Variants in HNRNPLL observed in about 807,000 individuals in gnomAD.
The protein encoded by HNRNPLL is heterogeneous nuclear ribonucleoprotein L-like.
A neutral mutation model predicts 67.1 loss-of-function variants in HNRNPLL; 25 were observed. The ratio of observed to expected loss-of-function variants is 0.37; its 90% CI spans 0.27 to 0.52. The LOEUF (loss-of-function observed/expected upper bound fraction) is 0.52. HNRNPLL is among the 20% of genes least tolerant of loss of function. The pLI is 0.90. For synonymous variants in HNRNPLL, 267 were observed against 241.7 expected, an observed-to-expected ratio of 1.10 and a Z score of -0.97; for missense variants, 542 against 673.9, an observed-to-expected ratio of 0.80 and a Z score of 2.17.
At chr2:38,582,553 G>A (rs969121322) in intron 4 of HNRNPLL, among the ~76,000 whole-genome samples, 10 of 152,038 alleles carry the variant, frequency 6.6e-5, no homozygotes, top group African/African-American at 1.7e-4. Flanking sequence ...TTCGTGATCC[G>A]CCCGCCTCGG....
At chr2:38,567,689 A>G (rs1391493875) in intron 12 of HNRNPLL, among the ~76,000 whole-genome samples, 1 of 152,184 alleles carries the variant, frequency 6.6e-6, no homozygotes. Flanking sequence ...GTGACCAAAA[A>G]AATTATAACA....
rs758515947 is a variant in HNRNPLL at position 38,577,566 on chromosome 2, T to G, written c.803-34A>C. ...AAAGTAGAAACATGGTTTTAACAAT[T>G]TTGACCCAAGTACTTAATGGAGTTC... On this transcript the variant is annotated intron_variant, in intron 6 of 12. Coordinates refer to ENST00000449105, the MANE Select transcript of HNRNPLL (RefSeq NM_138394.4). 2.1e-6 allele frequency: 3 copies of G among 1,401,290 alleles called. No homozygotes were observed. In the African/African-American group the frequency reaches 4.2e-5, roughly 20 times the overall value. The allele number at this position is 1,401,290 out of a possible 1,614,324, so 86.8% of individuals were successfully genotyped here.
Position 38,602,737 on chromosome 2 carries a change from C to G in HNRNPLL, c.-111G>C. ...CCGGCAGCGCCTCTTCTGCGAGGGTCTCCGCGGCCCGGCCGTCCGCGGGGA... is the reference window on the plus strand; with the variant it reads ...CCGGCAGCGCCTCTTCTGCGAGGGTGTCCGCGGCCCGGCCGTCCGCGGGGA... On this transcript the variant is annotated 5_prime_UTR_variant, in exon 1 of 13. Coordinates refer to ENST00000449105, the MANE Select transcript of HNRNPLL (RefSeq NM_138394.4). 2.0e-6 allele frequency: 3 copies of G among 1,493,484 alleles called. No homozygotes were observed. The highest frequency in any genetic ancestry group is 2.7e-6 in the Non-Finnish European group (3 of 1,120,946). The allele number at this position is 1,493,484 out of a possible 1,614,324, so 92.5% of individuals were successfully genotyped here.
At chr2:38,578,229 G>C (rs1198630446) in intron 6 of HNRNPLL, among the ~76,000 whole-genome samples, 1 of 151,946 alleles carries the variant, frequency 6.6e-6, no homozygotes, top group Non-Finnish European at 1.5e-5. Context: ...TATTGGATGA[G>C]AATACTACAA....
intron 2 of HNRNPLL, among the ~76,000 whole-genome samples, chr2:38,586,170 C>T (rs769652896): frequency 2.0e-5 from 3 of 152,058 alleles, no homozygotes; most frequent in African/African-American, 4.8e-5. Context: ...TACAGGTGCC[C>T]GCCACCAGGC....
intron 7 of HNRNPLL, among the ~76,000 whole-genome samples, 155 bp from the exon 8 acceptor site, chr2:38,573,582 T>C (rs1343517397): frequency 1.3e-5 from 2 of 152,082 alleles, no homozygotes; most frequent in East Asian, 1.9e-4. Flanking sequence ...AATATTTCAG[T>C]ATAACCTGAG....
chr2:38,568,075 CT>C, intron 12 of HNRNPLL, 123 bp downstream of exon 12: 1 of 628,394 alleles, frequency 1.6e-6, no homozygotes, highest in Non-Finnish European at 2.7e-6. Context: ...ATATGCCTTT[CT>C]TTTTTGTATT....
rs986572699 is a variant in HNRNPLL, at chr2:38,602,615, G to A, written c.12C>T (p.Ser4=). The A allele has an allele frequency of 6.5e-7, 1 of 1,549,944 alleles. No individual in the cohort carries two copies. The highest frequency in any genetic ancestry group is 2.5e-5 in the East Asian group (1 of 39,608). MSS[S]SSSPRETYEE... is the part of the protein sequence containing the mutation. Reference sequence around the variant, plus strand: ...CGTACGTCTCCCTGGGGGAGGAAGAGGAGGAGGACATGGCGGCGGCCGGAG... The same window carrying A: ...CGTACGTCTCCCTGGGGGAGGAAGAAGAGGAGGACATGGCGGCGGCCGGAG... Residue 4 remains serine (S), a synonymous_variant, in exon 1 of 13, where the codon TCC becomes TCT. Transcript: ENST00000449105.
At chr2:38,571,264 A>C (rs1378205684) in intron 8 of HNRNPLL, among the ~76,000 whole-genome samples, 2 of 152,208 alleles carry the variant, frequency 1.3e-5, no homozygotes, top group African/African-American at 4.8e-5. Context: ...TAAATGATCT[A>C]CTATAATAAA....
At chr2:38,582,006 G>GT (rs1200621975) in intron 5 of HNRNPLL, 21 bp from the exon 6 acceptor site, 1 of 1,605,168 alleles carries the variant, frequency 6.2e-7, no homozygotes, top group Non-Finnish European at 8.5e-7. Flanking sequence ...TGAAAATAAT[G>GT]TAAGTTCAAA....
At chr2:38,578,639 T>G (rs1666398263) in intron 6 of HNRNPLL, among the ~76,000 whole-genome samples, 2 of 152,082 alleles carry the variant, frequency 1.3e-5, no homozygotes, top group Non-Finnish European at 2.9e-5. Context: ...GCCATCTAGT[T>G]TAACTTTTAC....
At chr2:38,583,791 T>A (rs1423275089) in intron 4 of HNRNPLL, 50 bp downstream of exon 4, 1 of 863,414 alleles carries the variant, frequency 1.2e-6, no homozygotes, top group East Asian at 2.7e-5. Flanking sequence ...CCAGAAAAAA[T>A]AAGATCCGTA....
chr2:38,587,360 T>A (rs1666776795), intron 2 of HNRNPLL, among the ~76,000 whole-genome samples: 1 of 151,834 alleles, frequency 6.6e-6, no homozygotes, highest in Non-Finnish European at 1.5e-5. Context: ...TATTACTGTA[T>A]TATTATTATT....
At chr2:38,584,018 C>T (rs1239749000) in intron 3 of HNRNPLL, 92 bp from the exon 4 acceptor site, 4 of 524,228 alleles carry the variant, frequency 7.6e-6, no homozygotes, top group African/African-American at 4.0e-5. Context: ...AAACTATCAA[C>T]TGTCAAGATG....
chr2:38,602,502 C>A lies in HNRNPLL; in HGVS notation c.125G>T (p.Arg42Leu). The A allele has an allele frequency of 3.9e-6, 6 of 1,548,402 alleles. No homozygotes were observed. The highest frequency in any genetic ancestry group is 5.2e-6 in the Non-Finnish European group (6 of 1,148,362). Residue 42 changes from arginine (R) to leucine (L), a missense_variant, in exon 1 of 13, where the codon CGC becomes CTC. Coordinates refer to ENST00000449105, the MANE Select transcript of HNRNPLL (RefSeq NM_138394.4). ...CCCGCCCCGGGGCGTCGCTTCCCGG[C>A]GGTTCTCGCCTTCCTCGGCCGAGTA... ...IDYSAEEGEN[R>L]REATPRGGGD...
In HNRNPLL at chr2:38,563,740, AC is replaced by A. The variant is rs1665744463; in HGVS notation, c.*441del. On this transcript the variant is annotated 3_prime_UTR_variant, in exon 13 of 13. Coordinates refer to ENST00000449105, the MANE Select transcript of HNRNPLL (RefSeq NM_138394.4). ...CAAACTTCATTAAAATAATAAATAT[AC>A]AAGTTATGTTTAATATGAGTAACTG... is the stretch of plus-strand genomic sequence containing the variant. 2 of 154,194 alleles carry A rather than the reference AC, an allele frequency of 1.3e-5. No homozygotes were observed. The highest frequency in any genetic ancestry group is 4.8e-5 in the African/African-American group (2 of 41,494). The allele number at this position is 154,194 out of a possible 1,614,324, so 9.6% of individuals were successfully genotyped here.
At chr2:38,583,281 T>C (rs767481993) in intron 4 of HNRNPLL, among the ~76,000 whole-genome samples, 4 of 152,192 alleles carry the variant, frequency 2.6e-5, no homozygotes, top group Non-Finnish European at 5.9e-5. Context: ...ATTAAAGCGT[T>C]TGCTGTATAT....
intron 12 of HNRNPLL, 155 bp downstream of exon 12, chr2:38,568,044 A>T: frequency 1.8e-6 from 1 of 565,140 alleles, no homozygotes; most frequent in Non-Finnish European, 3.1e-6. Context: ...ATACAGCAAT[A>T]GATAACTAAT....
At chr2:38,568,127 T>C (rs1665942453) in intron 12 of HNRNPLL, 72 bp downstream of exon 12, 2 of 902,062 alleles carry the variant, frequency 2.2e-6, no homozygotes. Flanking sequence ...GTTATTTTTA[T>C]ATTACCATGA....
Sources: gnomAD v4.1 joint callset for allele counts (sites outside exome capture counted in the v4.1 genomes callset) on GRCh38, gnomAD v4.1.1 for gene constraint, MANE v1.5 for transcripts, NCBI Gene and HGNC (gene_info 2026-07-23, HGNC 2026-07-21) for gene names.